The following SORL1 variants were observed in gnomAD, a reference collection of about 807,000 sequenced individuals.
The protein encoded by SORL1 is sortilin related receptor 1, also known as sortilin-related receptor.
Under a neutral mutation model 273.7 loss-of-function variants are expected in SORL1, and 127 were observed. The observed-to-expected ratio is 0.46, with a 90% CI of 0.40 to 0.54. The LOEUF is 0.54. Ranked by LOEUF, SORL1 falls within the 20% of genes least tolerant of loss-of-function variation. The pLI is 0.00. For missense variants in SORL1, 2,494 were observed against 2,846.1 expected (o/e 0.88, Z 2.81); for synonymous variants, 1,031 against 1,067.4 (o/e 0.97, Z 0.66).
chr11:121,543,778 G>T, intron 13 of SORL1, 52 bp downstream of exon 13: 1 of 1,526,954 alleles, frequency 6.5e-7, no homozygotes. Flanking sequence ...TGGACTTCCT[G>T]TTATGTGCAA....
At chr11:121,479,576 G>A (rs2134797036) in intron 3 of SORL1, among the ~76,000 whole-genome samples, 1 of 152,238 alleles carries the variant, frequency 6.6e-6, no homozygotes, top group Admixed American at 6.5e-5. Context: ...TCTGGAGGAG[G>A]CTGGGTCCTG....
intron 2 of SORL1, among the ~76,000 whole-genome samples, chr11:121,470,685 T>A (rs1167404119): frequency 6.6e-6 from 1 of 152,144 alleles, no homozygotes; most frequent in African/African-American, 2.4e-5. Flanking sequence ...CTTTTCTATT[T>A]TTTTTTTGAG....
intron 11 of SORL1, 101 bp from the exon 12 acceptor site, chr11:121,532,363 A>T (rs1020740780): frequency 3.1e-6 from 3 of 974,942 alleles, no homozygotes; most frequent in Non-Finnish European, 3.2e-6. Flanking sequence ...CATTGCTGTT[A>T]TGTCTATGTG....
At chr11:121,497,207 C>T (rs911723311) in intron 6 of SORL1, among the ~76,000 whole-genome samples, 158 bp downstream of exon 6, 7 of 152,184 alleles carry the variant, frequency 4.6e-5, no homozygotes, top group African/African-American at 1.7e-4. Flanking sequence ...CATTGACGAA[C>T]ATTCCGAAAG....
chr11:121,550,148 G>C lies in SORL1; in HGVS notation c.2180+60G>C. The C allele has an allele frequency of 6.5e-7, 1 of 1,546,288 alleles. No individual in the cohort carries two copies. The highest frequency in any genetic ancestry group is 2.3e-5 in the East Asian group (1 of 43,464). Reference sequence around the variant, plus strand: ...AGCGGTCCGCACATGGAGCGAGAGAGCATAGAGGACCGTCTGGATTGCTCT... The same window carrying C: ...AGCGGTCCGCACATGGAGCGAGAGACCATAGAGGACCGTCTGGATTGCTCT... On this transcript the variant is annotated intron_variant, in intron 15 of 47. Transcript: ENST00000260197. The surrounding 1 kb of genome is among the most constrained non-coding windows in gnomAD (Gnocchi z 5.3).
chr11:121,550,212 A>G lies in SORL1; in HGVS notation c.2180+124A>G. On this transcript the variant is annotated intron_variant, in intron 15 of 47. Coordinates refer to ENST00000260197, the MANE Select transcript of SORL1 (RefSeq NM_003105.6). The surrounding 1 kb of genome is among the most constrained non-coding windows in gnomAD (Gnocchi z 5.3). ...TAGAATTCCAAGTTAACAGCCTGCA[A>G]GTAGTTTGGGCAACATTATAAATTA... 6 of 1,003,914 alleles carry G rather than the reference A, an allele frequency of 6.0e-6. No homozygotes were observed. The South Asian group carries it at 1.0e-4, about 17-fold the overall frequency. 62.2% of individuals were successfully genotyped at this position (1,003,914 alleles called of 1,614,324 possible).
intron 6 of SORL1, among the ~76,000 whole-genome samples, chr11:121,499,236 G>C (rs1244946062): frequency 1.3e-5 from 2 of 152,160 alleles, no homozygotes; most frequent in African/African-American, 4.8e-5. Flanking sequence ...TTTATATGCT[G>C]TTGGTGGCAA....
intron 3 of SORL1, among the ~76,000 whole-genome samples, chr11:121,486,649 T>G (rs1249623817): frequency 6.6e-6 from 1 of 151,866 alleles, no homozygotes; most frequent in Non-Finnish European, 1.5e-5. Flanking sequence ...CCGGCTAATT[T>G]TTCGTATTTT....
At chr11:121,519,010 C>T (rs543873993) in intron 8 of SORL1, among the ~76,000 whole-genome samples, 104 of 149,178 alleles carry the variant, frequency 7.0e-4, no homozygotes, top group Admixed American at 1.1e-3. Flanking sequence ...TGCAGTGGCA[C>T]GATCTCAGCT....
intron 7 of SORL1, among the ~76,000 whole-genome samples, chr11:121,513,921 T>C (rs1480368791): frequency 1.3e-5 from 2 of 151,994 alleles, no homozygotes; most frequent in East Asian, 3.9e-4. Flanking sequence ...AGTGGCCCAT[T>C]ATTTTGTGCC....
intron 8 of SORL1, among the ~76,000 whole-genome samples, chr11:121,520,037 G>A (rs962682386): frequency 6.6e-6 from 1 of 152,164 alleles, no homozygotes; most frequent in Non-Finnish European, 1.5e-5. Context: ...CATCACTTGA[G>A]CTGAGGAGTT....
chr11:121,476,782 C>T (rs1286584572), intron 2 of SORL1, among the ~76,000 whole-genome samples: 1 of 137,826 alleles, frequency 7.3e-6, no homozygotes, highest in Non-Finnish European at 1.6e-5. Context: ...CTCCCTCCCT[C>T]CCTTCCTTCC....
intron 2 of SORL1, among the ~76,000 whole-genome samples, chr11:121,474,598 C>G (rs1053613236): frequency 6.6e-6 from 1 of 152,192 alleles, no homozygotes; most frequent in Non-Finnish European, 1.5e-5. Flanking sequence ...AACTCCTCCC[C>G]TGTGCTATTT....
chr11:121,584,270 C>T (rs751951877), intron 26 of SORL1, among the ~76,000 whole-genome samples: 2 of 152,196 alleles, frequency 1.3e-5, no homozygotes, highest in African/African-American at 2.4e-5. Flanking sequence ...ACCAGTAAAA[C>T]GTTGCATGTT....
At chr11:121,538,226 A>G (rs1263998775) in intron 12 of SORL1, among the ~76,000 whole-genome samples, 1 of 149,608 alleles carries the variant, frequency 6.7e-6, no homozygotes, top group Admixed American at 6.7e-5. Flanking sequence ...ATACCACAGG[A>G]TGCTCAGATA....
At chr11:121,543,775 C>G in intron 13 of SORL1, 49 bp downstream of exon 13, 1 of 1,538,228 alleles carries the variant, frequency 6.5e-7, no homozygotes, top group Non-Finnish European at 8.9e-7. Flanking sequence ...GCGTGGACTT[C>G]CTGTTATGTG....
intron 4 of SORL1, among the ~76,000 whole-genome samples, chr11:121,488,642 A>G (rs1394398965): frequency 6.6e-5 from 10 of 152,218 alleles, no homozygotes; most frequent in African/African-American, 2.4e-4. Flanking sequence ...CACTAACAGT[A>G]ATAGTCTTCC....
chr11:121,502,573 T>C (rs2134830617), intron 6 of SORL1, among the ~76,000 whole-genome samples: 1 of 152,332 alleles, frequency 6.6e-6, no homozygotes, highest in Non-Finnish European at 1.5e-5. Flanking sequence ...GTTTTTTGGA[T>C]GATAGCCATC....
At chr11:121,574,523 A>G (rs1435044193) in intron 24 of SORL1, among the ~76,000 whole-genome samples, 160 bp downstream of exon 24, 1 of 152,130 alleles carries the variant, frequency 6.6e-6, no homozygotes, top group African/African-American at 2.4e-5. Flanking sequence ...GGGTTGAGTC[A>G]TTTCTCTGTC....
Sources: gnomAD v4.1 joint callset for allele counts (sites outside exome capture counted in the v4.1 genomes callset) on GRCh38, gnomAD v4.1.1 for gene constraint, Gnocchi (gnomAD v3.1) non-coding constraint, MANE v1.5 for transcripts, NCBI Gene and HGNC (gene_info 2026-07-23, HGNC 2026-07-21) for gene names.